Variants in MYO5B observed in about 807,000 individuals in gnomAD.
The protein encoded by MYO5B is myosin VB.
MYO5B carries 143 observed loss-of-function variants against 229.3 expected under a neutral mutation model. That is an observed-to-expected ratio of 0.62 (90% CI 0.54 to 0.72). The LOEUF (loss-of-function observed/expected upper bound fraction) is 0.72, where lower values mean the gene tolerates loss of function less well. Among genes scored for constraint, MYO5B ranks in the 30% least tolerant of loss-of-function variants. The pLI is 0.00. For synonymous variants in MYO5B, 918 were observed against 885.2 expected (o/e 1.04, Z -0.66); for missense variants, 2,321 against 2,331.0 (o/e 1.00, Z 0.09).
intron 2 of MYO5B, among the ~76,000 whole-genome samples, chr18:50,046,744 T>C (rs937400923): frequency 2.6e-5 from 4 of 152,074 alleles, no homozygotes; most frequent in African/African-American, 4.8e-5. Flanking sequence ...AAACAAGATA[T>C]AGACCAATGG....
chr18:50,045,080 A>G (rs555220181), intron 2 of MYO5B, among the ~76,000 whole-genome samples: 1 of 152,278 alleles, frequency 6.6e-6, no homozygotes, highest in African/African-American at 2.4e-5. Flanking sequence ...CTTGTGCTGT[A>G]CCTGTGAAGA....
At chr18:49,844,548 TG>T (rs1412450965) in intron 33 of MYO5B, among the ~76,000 whole-genome samples, 3 of 152,206 alleles carry the variant, frequency 2.0e-5, no homozygotes, top group Non-Finnish European at 4.4e-5. Context: ...CAGCTCCAGT[TG>T]GTACTTGGGT....
intron 4 of MYO5B, among the ~76,000 whole-genome samples, chr18:50,033,457 C>A (rs1398445227): frequency 6.6e-6 from 1 of 152,218 alleles, no homozygotes; most frequent in South Asian, 2.1e-4. Context: ...GGCCTACGTA[C>A]GTCTTTTCTC....
intron 31 of MYO5B, among the ~76,000 whole-genome samples, chr18:49,853,027 A>C (rs1047765924): frequency 1.3e-5 from 2 of 151,152 alleles, no homozygotes; most frequent in East Asian, 3.9e-4. Context: ...TTCTTCCACT[A>C]CTCCTCCCCT....
intron 31 of MYO5B, chr18:49,850,163 C>A: frequency 4.6e-6 from 1 of 216,996 alleles, no homozygotes; most frequent in Non-Finnish European, 9.3e-6. Flanking sequence ...CCACTGGAAG[C>A]CCATCAGCCC....
chr18:50,036,876 T>G lies in MYO5B; in HGVS notation c.429A>C (p.Ala143=), dbSNP rs769963691. 1.9e-6 allele frequency: 3 copies of G among 1,614,144 alleles called. No individual in the cohort carries two copies. In the East Asian group the frequency reaches 6.7e-5, roughly 36 times the overall value. ...GDMDPHIFAV[A]EEAYKQMARD... ...TGGCCATCTGCTTGTAGGCTTCTTC[T>G]GCCACAGCAAAGATGTGGGGGTCCA... Residue 143 remains alanine, a synonymous_variant, in exon 4 of 40, where the codon GCA becomes GCC. Transcript: ENST00000285039.
intron 30 of MYO5B, among the ~76,000 whole-genome samples, chr18:49,855,106 A>C (rs529217942): frequency 6.6e-6 from 1 of 152,370 alleles, no homozygotes; most frequent in South Asian, 2.1e-4. Flanking sequence ...TATTGGCTAC[A>C]GTAAGCACAT....
chr18:49,877,672 G>C, intron 25 of MYO5B, 91 bp downstream of exon 25: 7 of 1,565,456 alleles, frequency 4.5e-6, no homozygotes, highest in Non-Finnish European at 5.3e-6. Flanking sequence ...ACCATCAGCA[G>C]AAGAGTAAAT....
intron 1 of MYO5B, among the ~76,000 whole-genome samples, chr18:50,120,867 A>T (rs2032047101): frequency 6.6e-6 from 1 of 152,172 alleles, no homozygotes. Context: ...TAGATGGTGA[A>T]AGCTGACCTG....
At chr18:49,915,208 T>C (rs1345997890) in intron 17 of MYO5B, among the ~76,000 whole-genome samples, 2 of 152,220 alleles carry the variant, frequency 1.3e-5, no homozygotes, top group Non-Finnish European at 2.9e-5. Flanking sequence ...ACTCACATAA[T>C]GTAAAATATA....
intron 5 of MYO5B, among the ~76,000 whole-genome samples, chr18:49,998,896 A>T (rs1384048045): frequency 6.6e-6 from 1 of 152,200 alleles, no homozygotes; most frequent in Non-Finnish European, 1.5e-5. Flanking sequence ...GTTTGGGATG[A>T]TGAAAAAATT....
intron 27 of MYO5B, among the ~76,000 whole-genome samples, chr18:49,867,796 C>T (rs1301483193): frequency 2.0e-5 from 3 of 152,124 alleles, no homozygotes; most frequent in South Asian, 2.1e-4. Flanking sequence ...AAAACTGATC[C>T]GTGTTCCATA....
chr18:50,147,048 A>T (rs1215297604), intron 1 of MYO5B, among the ~76,000 whole-genome samples: 4 of 152,280 alleles, frequency 2.6e-5, no homozygotes, highest in South Asian at 2.1e-4. Flanking sequence ...TTGTCTCCTT[A>T]CAGACAGTTT....
intron 8 of MYO5B, among the ~76,000 whole-genome samples, chr18:49,981,996 T>C (rs760705055): frequency 1.3e-5 from 2 of 152,156 alleles, no homozygotes; most frequent in Non-Finnish European, 2.9e-5. Context: ...TCAAGTCCCA[T>C]TGAAAGTGCT....
At chr18:50,103,611 C>T (rs956075343) in intron 1 of MYO5B, among the ~76,000 whole-genome samples, 1 of 152,088 alleles carries the variant, frequency 6.6e-6, no homozygotes, top group African/African-American at 2.4e-5. Context: ...CAGCCAGACA[C>T]GGTGGTGTGC....
chr18:49,915,312 T>C (rs1465555413), intron 17 of MYO5B, among the ~76,000 whole-genome samples: 1 of 152,242 alleles, frequency 6.6e-6, no homozygotes, highest in Admixed American at 6.5e-5. Context: ...TCACAGATCC[T>C]GGCAACTACT....
chr18:50,101,439 A>C (rs976958867), intron 1 of MYO5B, among the ~76,000 whole-genome samples: 24 of 152,198 alleles, frequency 1.6e-4, no homozygotes, highest in African/African-American at 5.3e-4. Context: ...ATTAAAAAGA[A>C]AAAATAACTA....
chr18:49,938,361 A>T (rs34659691), intron 14 of MYO5B, among the ~76,000 whole-genome samples: 14,489 of 152,172 alleles, frequency 0.095, 826 homozygotes, highest in Middle Eastern at 0.2. Flanking sequence ...ACAGGAACAC[A>T]GTCCTGTCAT....
At chr18:50,002,704 C>CCAGT (rs2026061520) in intron 4 of MYO5B, among the ~76,000 whole-genome samples, 1 of 152,224 alleles carries the variant, frequency 6.6e-6, no homozygotes, top group Non-Finnish European at 1.5e-5. Context: ...CTTTCACTCC[C>CCAGT]CAGTGTCTGT....
Sources: gnomAD v4.1 joint callset for allele counts (sites outside exome capture counted in the v4.1 genomes callset) on GRCh38, gnomAD v4.1.1 for gene constraint, MANE v1.5 for transcripts, NCBI Gene and HGNC (gene_info 2026-07-23, HGNC 2026-07-21) for gene names.